The following NAALADL2 variants were observed in gnomAD, a reference collection of about 807,000 sequenced individuals.
NAALADL2 encodes the protein inactive N-acetylated-alpha-linked acidic dipeptidase-like protein 2.
In NAALADL2, 76 loss-of-function variants were observed where a neutral mutation model predicts 87.2. The ratio of observed to expected loss-of-function variants is 0.87; its 90% CI spans 0.72 to 1.05. NAALADL2 has a LOEUF of 1.05. NAALADL2 is among the 50% of genes least tolerant of loss of function. The probability of loss-of-function intolerance (pLI) is 0.00; values close to 1 mark genes in which losing one functional copy is unlikely to be tolerated. For synonymous variants in NAALADL2, 354 were observed against 331.0 expected (o/e 1.07, Z -0.75); for missense variants, 1,089 against 945.8 (o/e 1.15, Z -1.99).
chr3:175,436,152 C>T (rs921115903), intron 5 of NAALADL2, among the ~76,000 whole-genome samples: 2 of 145,678 alleles, frequency 1.4e-5, no homozygotes, highest in African/African-American at 2.6e-5. Flanking sequence ...TTTCCAATTT[C>T]ATCCATGTCC....
chr3:174,590,898 C>A (rs1717293212), intron 2 of NAALADL2, among the ~76,000 whole-genome samples: 1 of 151,598 alleles, frequency 6.6e-6, no homozygotes, highest in Non-Finnish European at 1.5e-5. Context: ...AAAAAAAAAA[C>A]TTAAAGAGAG....
At chr3:175,456,809 A>G (rs576170136) in intron 6 of NAALADL2, among the ~76,000 whole-genome samples, 88 of 152,150 alleles carry the variant, frequency 5.8e-4, no homozygotes, top group African/African-American at 2.1e-3. Flanking sequence ...CTAAATTACA[A>G]TAGGGTCCAA....
At chr3:174,820,851 T>G (rs1332310141) in intron 3 of NAALADL2, among the ~76,000 whole-genome samples, 1 of 152,208 alleles carries the variant, frequency 6.6e-6, no homozygotes, top group African/African-American at 2.4e-5. Flanking sequence ...AAAAAAACAT[T>G]TGTTCCTATT....
chr3:175,534,486 TAA>T (rs1326836069), intron 9 of NAALADL2, among the ~76,000 whole-genome samples: 1 of 152,166 alleles, frequency 6.6e-6, no homozygotes, highest in Non-Finnish European at 1.5e-5. Flanking sequence ...CTGCCTGCTT[TAA>T]AAGTAGGTTT....
At chr3:174,519,827 A>T (rs1720166171) in intron 1 of NAALADL2, among the ~76,000 whole-genome samples, 1 of 152,174 alleles carries the variant, frequency 6.6e-6, no homozygotes, top group African/African-American at 2.4e-5. Flanking sequence ...ACTATGCATC[A>T]AAAGGAATAT....
intron 9 of NAALADL2, among the ~76,000 whole-genome samples, chr3:175,473,424 G>A (rs1052303270): frequency 6.6e-6 from 1 of 151,854 alleles, no homozygotes; most frequent in Non-Finnish European, 1.5e-5. Context: ...GTGTGTCTGT[G>A]TATGTATGTG....
intron 13 of NAALADL2, among the ~76,000 whole-genome samples, chr3:175,790,381 C>G (rs78350928): frequency 1.1e-3 from 161 of 151,780 alleles, no homozygotes; most frequent in African/African-American, 3.5e-3. Context: ...TTAGGAGTAG[C>G]TTTGACTAAA....
At chr3:174,957,960 G>GT (rs1270956836) in intron 1 of NAALADL2, among the ~76,000 whole-genome samples, 1 of 151,816 alleles carries the variant, frequency 6.6e-6, no homozygotes, top group Non-Finnish European at 1.5e-5. Flanking sequence ...AATGTAGTTT[G>GT]TTAATGTAGT....
chr3:175,491,801 G>T (rs1728136401), intron 9 of NAALADL2, among the ~76,000 whole-genome samples: 1 of 152,090 alleles, frequency 6.6e-6, no homozygotes, highest in Non-Finnish European at 1.5e-5. Flanking sequence ...CCATCTGTGG[G>T]CATACACCAA....
chr3:175,012,199 C>T (rs1323806420), intron 1 of NAALADL2, among the ~76,000 whole-genome samples: 2 of 152,094 alleles, frequency 1.3e-5, no homozygotes, highest in East Asian at 1.9e-4. Context: ...AGATTTGCTC[C>T]TGTTGCCCAA....
intron 3 of NAALADL2, among the ~76,000 whole-genome samples, chr3:174,833,543 G>A (rs564258996): frequency 1.5e-3 from 228 of 152,044 alleles, no homozygotes; most frequent in African/African-American, 5.2e-3. Flanking sequence ...ACTTGCCCAC[G>A]TATATTATGA....
intron 11 of NAALADL2, among the ~76,000 whole-genome samples, chr3:175,697,317 A>T (rs2149942367): frequency 6.6e-6 from 1 of 151,904 alleles, no homozygotes; most frequent in South Asian, 2.1e-4. Flanking sequence ...GTTTTCACAC[A>T]ATGTGTCTTT....
chr3:174,832,778 G>A (rs1722882772), intron 3 of NAALADL2, among the ~76,000 whole-genome samples: 1 of 152,056 alleles, frequency 6.6e-6, no homozygotes, highest in African/African-American at 2.4e-5. Context: ...TATTACCTCT[G>A]TTTTAAAGAA....
intron 2 of NAALADL2, among the ~76,000 whole-genome samples, chr3:174,629,151 T>TA (rs1721874406): frequency 6.6e-6 from 1 of 152,188 alleles, no homozygotes. Context: ...ATGAGGCAAT[T>TA]ACATTATTTA....
intron 11 of NAALADL2, among the ~76,000 whole-genome samples, chr3:175,660,212 G>T (rs1279541487): frequency 6.6e-6 from 1 of 152,086 alleles, no homozygotes; most frequent in Non-Finnish European, 1.5e-5. Context: ...TTAAATCAGA[G>T]ATTAGGTTTC....
intron 3 of NAALADL2, among the ~76,000 whole-genome samples, chr3:174,749,713 A>T (rs969237551): frequency 1.3e-5 from 2 of 152,164 alleles, no homozygotes; most frequent in African/African-American, 4.8e-5. Flanking sequence ...GTTAGTGCTA[A>T]AATCTGGACA....
intron 1 of NAALADL2, among the ~76,000 whole-genome samples, chr3:175,036,804 C>CTTTTTTTT (rs10662446): frequency 4.3e-5 from 5 of 117,350 alleles, no homozygotes; most frequent in South Asian, 2.8e-4. Context: ...TCCATCTGTT[C>CTTTTTTTT]TTTTTTTTTT....
intron 9 of NAALADL2, among the ~76,000 whole-genome samples, chr3:175,493,423 A>G (rs936698805): frequency 6.6e-6 from 1 of 152,096 alleles, no homozygotes; most frequent in African/African-American, 2.4e-5. Flanking sequence ...TCTTAAGGAA[A>G]CATAATAGGT....
chr3:175,506,808 T>G (rs1384924183), intron 9 of NAALADL2, among the ~76,000 whole-genome samples: 1 of 152,170 alleles, frequency 6.6e-6, no homozygotes, highest in Admixed American at 6.5e-5. Flanking sequence ...CATAAAAAAT[T>G]CTCCATACTT....
Sources: allele counts gnomAD v4.1 joint callset (sites outside exome capture counted in the v4.1 genomes callset), GRCh38; gene constraint gnomAD v4.1.1; transcripts MANE v1.5; gene names NCBI Gene and HGNC (gene_info 2026-07-23, HGNC 2026-07-21).